GRM7: variants seen among roughly 807,000 people sequenced by gnomAD.
GRM7 encodes the protein glutamate metabotropic receptor 7.
In GRM7, 35 loss-of-function variants were observed where a neutral mutation model predicts 84.5. That is an observed-to-expected ratio of 0.41 (90% CI 0.32 to 0.55). The LOEUF (loss-of-function observed/expected upper bound fraction) is 0.55, where lower values mean the gene tolerates loss of function less well. Ranked by LOEUF, GRM7 falls within the 20% of genes least tolerant of loss-of-function variation. The probability of loss-of-function intolerance (pLI) is 0.19; values close to 1 mark genes in which losing one functional copy is unlikely to be tolerated. For synonymous variants in GRM7, 487 were observed against 455.1 expected, an observed-to-expected ratio of 1.07 and a Z score of -0.89; for missense variants, 1,003 against 1,194.6, an observed-to-expected ratio of 0.84 and a Z score of 2.36.
At chr3:7,321,288 A>G (rs560319833) in intron 4 of GRM7, among the ~76,000 whole-genome samples, 1 of 152,096 alleles carries the variant, frequency 6.6e-6, no homozygotes, top group Non-Finnish European at 1.5e-5. Context: ...TTAAATTTAG[A>G]TAAGAATCCT....
chr3:7,061,267 C>T (rs546388952), intron 1 of GRM7, among the ~76,000 whole-genome samples: 1 of 151,808 alleles, frequency 6.6e-6, no homozygotes, highest in African/African-American at 2.4e-5. Flanking sequence ...ATAAATATGG[C>T]TGGAATAGTA....
intron 8 of GRM7, among the ~76,000 whole-genome samples, chr3:7,585,926 A>G (rs1382411118): frequency 2.0e-5 from 3 of 152,162 alleles, no homozygotes; most frequent in Non-Finnish European, 2.9e-5. Context: ...TACTGGCCCA[A>G]TTGTGAATTC....
intron 1 of GRM7, among the ~76,000 whole-genome samples, chr3:7,001,304 T>C (rs9879829): frequency 0.45 from 67,971 of 151,952 alleles, 17,509 homozygotes; most frequent in Non-Finnish European, 0.56. Context: ...GAGCTGTGAT[T>C]GTGCAACTGC....
intron 2 of GRM7, among the ~76,000 whole-genome samples, chr3:7,292,231 C>A (rs1699657055): frequency 6.6e-6 from 1 of 152,124 alleles, no homozygotes; most frequent in Admixed American, 6.5e-5. Context: ...ATTAAGTATC[C>A]TTCCTTTCAC....
chr3:7,645,795 C>T (rs1375592170), intron 8 of GRM7, among the ~76,000 whole-genome samples: 1 of 152,106 alleles, frequency 6.6e-6, no homozygotes, highest in African/African-American at 2.4e-5. Context: ...TGCATTTAGC[C>T]CCCACAGGTG....
At chr3:7,176,229 T>TAAAAAAAAAAAAAAAAAA (rs55732650) in intron 2 of GRM7, among the ~76,000 whole-genome samples, 1 of 63,142 alleles carries the variant, frequency 1.6e-5, no homozygotes, top group Non-Finnish European at 2.8e-5. Flanking sequence ...CTATAAAAAG[T>TAAAAAAAAAAAAAAAAAA]AAAAAAAAAA....
At position 7,567,747 on chromosome 3, in the gene GRM7, CAAAAAAAAAAAAAAAAAAAAAA is replaced by C. The variant is rs1176146756; in HGVS notation, c.1516-10658_1516-10637del. ...TGGGTGACAGAGTGAGACTCCATCT[CAAAAAAAAAAAAAAAAAAAAAA>C]AAAAAAAAAAAAAAAAGACACAACT... On this transcript the variant is annotated intron_variant, in intron 7 of 9. Coordinates refer to ENST00000357716, the MANE Select transcript of GRM7 (RefSeq NM_000844.4). Among the ~76,000 whole-genome samples, 4 of 45,784 alleles carry C rather than the reference CAAAAAAAAAAAAAAAAAAAAAA, an allele frequency of 8.7e-5. 1 individual carries two copies. The highest frequency in any genetic ancestry group is 1.6e-4 in the Non-Finnish European group (4 of 25,170). The allele number at this position is 45,784 out of a possible 152,430, so 30.0% of individuals were successfully genotyped here. A position where few individuals can be genotyped will look rare whatever the true frequency, so the allele number is the denominator to read the frequency against.
chr3:7,121,873 G>A (rs1307416900), intron 1 of GRM7, among the ~76,000 whole-genome samples: 1 of 152,202 alleles, frequency 6.6e-6, no homozygotes, highest in Non-Finnish European at 1.5e-5. Flanking sequence ...ATTAGGCCAT[G>A]AGAGCAGAGC....
intron 2 of GRM7, among the ~76,000 whole-genome samples, chr3:7,240,503 A>T (rs1697517670): frequency 6.6e-6 from 1 of 152,220 alleles, no homozygotes; most frequent in African/African-American, 2.4e-5. Flanking sequence ...TGAAGGAATT[A>T]TACAACTACT....
chr3:7,082,727 A>G (rs1489297275), intron 1 of GRM7, among the ~76,000 whole-genome samples: 1 of 152,170 alleles, frequency 6.6e-6, no homozygotes, highest in Non-Finnish European at 1.5e-5. Flanking sequence ...AGAGGAAGTC[A>G]AAATTCAACA....
chr3:6,902,881 A>ACACC (rs1210861394), intron 1 of GRM7, among the ~76,000 whole-genome samples: 112 of 143,818 alleles, frequency 7.8e-4, no homozygotes, highest in African/African-American at 2.8e-3. Flanking sequence ...ACACACACAC[A>ACACC]CCCCTACTCT....
At chr3:6,891,128 C>T (rs1037501709) in intron 1 of GRM7, among the ~76,000 whole-genome samples, 1 of 152,106 alleles carries the variant, frequency 6.6e-6, no homozygotes, top group Non-Finnish European at 1.5e-5. Flanking sequence ...ATATGTGTCT[C>T]TGCACGTGAG....
chr3:7,155,945 A>C (rs147606447), intron 2 of GRM7, among the ~76,000 whole-genome samples: 472 of 152,334 alleles, frequency 3.1e-3, no homozygotes, highest in East Asian at 0.01. Flanking sequence ...AAAAGCAAGC[A>C]CTTAAACCAC....
chr3:7,345,328 G>A (rs1278872829), intron 4 of GRM7, among the ~76,000 whole-genome samples: 1 of 150,908 alleles, frequency 6.6e-6, no homozygotes, highest in Non-Finnish European at 1.5e-5. Context: ...AGGCTGGAGT[G>A]CAATGGTGGG....
chr3:7,272,885 G>A (rs1698917428), intron 2 of GRM7, among the ~76,000 whole-genome samples: 1 of 151,716 alleles, frequency 6.6e-6, no homozygotes, highest in South Asian at 2.1e-4. Context: ...TCTCTTCTAT[G>A]TACTTTGGAA....
intron 1 of GRM7, among the ~76,000 whole-genome samples, chr3:7,076,193 A>T (rs767220935): frequency 2.0e-5 from 3 of 152,184 alleles, no homozygotes; most frequent in Non-Finnish European, 4.4e-5. Context: ...CCTAGAGCAC[A>T]TACAAATACA....
intron 9 of GRM7, chr3:7,693,531 C>T: frequency 2.7e-6 from 2 of 743,526 alleles, no homozygotes; most frequent in Non-Finnish European, 2.4e-6. Flanking sequence ...ACCTTAATTC[C>T]TCTTTCCCTC....
At chr3:7,266,361 C>CCGT (rs1698639465) in intron 2 of GRM7, among the ~76,000 whole-genome samples, 1 of 152,182 alleles carries the variant, frequency 6.6e-6, no homozygotes, top group Non-Finnish European at 1.5e-5. Context: ...CATGAAATTA[C>CCGT]AAGAGCTGGT....
intron 9 of GRM7, among the ~76,000 whole-genome samples, chr3:7,724,472 C>A (rs139128418): frequency 1.4e-4 from 22 of 152,310 alleles, no homozygotes; most frequent in Middle Eastern, 6.8e-3. Flanking sequence ...TTATTCCCTG[C>A]AATAAATAAC....
Sources: gnomAD v4.1 joint callset for allele counts (sites outside exome capture counted in the v4.1 genomes callset) on GRCh38, gnomAD v4.1.1 for gene constraint, MANE v1.5 for transcripts, NCBI Gene and HGNC (gene_info 2026-07-23, HGNC 2026-07-21) for gene names.